CAMTA1: variants seen among roughly 807,000 people sequenced by gnomAD.
CAMTA1 encodes calmodulin binding transcription activator 1.
CAMTA1 carries 27 observed loss-of-function variants against 170.9 expected under a neutral mutation model. The observed-to-expected ratio is 0.16, with a 90% confidence interval of 0.12 to 0.22. The LOEUF (loss-of-function observed/expected upper bound fraction) is 0.22. CAMTA1 is among the 10% of genes least tolerant of loss of function. The pLI, the probability that CAMTA1 is intolerant of heterozygous loss-of-function variation, is 1.00. For synonymous variants in CAMTA1, 833 were observed against 891.5 expected, an observed-to-expected ratio of 0.93 and a Z score of 1.17; for missense variants, 1,619 against 2,217.2, an observed-to-expected ratio of 0.73 and a Z score of 5.42.
intron 5 of CAMTA1, among the ~76,000 whole-genome samples, chr1:7,303,552 T>A (rs1350897524): frequency 1.3e-5 from 2 of 152,206 alleles, no homozygotes; most frequent in Non-Finnish European, 2.9e-5. Flanking sequence ...TTTTGTTGGA[T>A]GATTACATCG....
chr1:7,201,262 A>G (rs1656637305), intron 4 of CAMTA1, among the ~76,000 whole-genome samples: 1 of 152,200 alleles, frequency 6.6e-6, no homozygotes, highest in African/African-American at 2.4e-5. Flanking sequence ...ATAATATTTC[A>G]TTATATGGAT....
rs542974976 is a variant in CAMTA1 at position 7,249,935 on chromosome 1, A to G, written c.438+309A>G. The stretch of plus-strand genomic sequence containing the variant: ...TTATCACGGAAGAGCCTCTGGATGC[A>G]TTGAGAGTTTGCAAAGTGTCAGGGA... On this transcript the variant is annotated intron_variant, in intron 5 of 22. Coordinates refer to ENST00000303635, the MANE Select transcript of CAMTA1 (RefSeq NM_015215.4). The surrounding 1 kb of genome is among the most constrained non-coding windows in gnomAD (Gnocchi z 4.4). Among the ~76,000 whole-genome samples the G allele has an allele frequency of 3.3e-5, 5 of 152,208 alleles. No individual in the cohort carries two copies. In the South Asian group the frequency reaches 1.0e-3, roughly 32 times the overall value.
intron 5 of CAMTA1, among the ~76,000 whole-genome samples, chr1:7,352,941 A>G (rs1305636762): frequency 1.6e-4 from 25 of 152,286 alleles, no homozygotes. Context: ...CCTCCTTGGG[A>G]TTAATGCAGT....
At chr1:6,935,268 C>A (rs916683997) in intron 3 of CAMTA1, among the ~76,000 whole-genome samples, 3 of 152,114 alleles carry the variant, frequency 2.0e-5, no homozygotes, top group Non-Finnish European at 4.4e-5. Context: ...GGAAGTAAAA[C>A]CCTTTCTCCT....
chr1:7,169,825 C>T (rs1649242815), intron 4 of CAMTA1, among the ~76,000 whole-genome samples: 1 of 152,206 alleles, frequency 6.6e-6, no homozygotes, highest in Admixed American at 6.5e-5. Context: ...CTGTGCCTGG[C>T]CTAAGCTTCT....
At chr1:7,745,324 T>A (rs1218896766) in intron 17 of CAMTA1, among the ~76,000 whole-genome samples, 2 of 151,996 alleles carry the variant, frequency 1.3e-5, no homozygotes, top group African/African-American at 2.4e-5. Context: ...GTCAGGAGTT[T>A]GAGACCAGCC....
chr1:7,015,789 C>T (rs879532637), intron 3 of CAMTA1, among the ~76,000 whole-genome samples: 5 of 150,606 alleles, frequency 3.3e-5, no homozygotes, highest in Non-Finnish European at 5.9e-5. Flanking sequence ...AGGATCGTGG[C>T]GGAAGGCAAA....
chr1:7,306,169 G>C (rs912990486), intron 5 of CAMTA1, among the ~76,000 whole-genome samples: 1 of 151,820 alleles, frequency 6.6e-6, no homozygotes, highest in African/African-American at 2.4e-5. Flanking sequence ...TTCTGTTTTT[G>C]GTTTTATGTC....
intron 11 of CAMTA1, among the ~76,000 whole-genome samples, chr1:7,730,711 C>G (rs962979015): frequency 5.9e-5 from 9 of 152,130 alleles, no homozygotes; most frequent in African/African-American, 1.7e-4. Flanking sequence ...GCCTGGCCAA[C>G]ATGGTGAAAC....
At chr1:6,849,239 A>G (rs1049091078) in intron 3 of CAMTA1, among the ~76,000 whole-genome samples, 2 of 152,216 alleles carry the variant, frequency 1.3e-5, no homozygotes, top group African/African-American at 2.4e-5. Context: ...GTTTCAGGAC[A>G]TACTGTATTT....
chr1:7,101,808 CAA>C lies in CAMTA1; in HGVS notation c.302+10439_302+10440del, dbSNP rs1642744543. 5.9e-5 allele frequency among the ~76,000 whole-genome samples: 5 copies of C among 84,070 alleles called. No individual in the cohort carries two copies. The South Asian group carries it at 1.4e-3, about 23-fold the overall frequency. The allele number at this position is 84,070 out of a possible 152,430, so 55.2% of individuals were successfully genotyped here. A position where few individuals can be genotyped will look rare whatever the true frequency, so the allele number is the denominator to read the frequency against. On this transcript the variant is annotated intron_variant, in intron 4 of 22. Transcript: ENST00000303635. ...ACACAATACATGTGTGCACACAGCA[CAA>C]ACACATATACACATGTACACATGTA... is the stretch of plus-strand genomic sequence containing the variant.
intron 4 of CAMTA1, among the ~76,000 whole-genome samples, chr1:7,108,827 TGTCA>T (rs1190315315): frequency 6.6e-6 from 1 of 152,254 alleles, no homozygotes; most frequent in African/African-American, 2.4e-5. Context: ...TTGCCCTGTC[TGTCA>T]GTCAGGAATC....
chr1:7,034,740 C>T (rs1240278422), intron 3 of CAMTA1, among the ~76,000 whole-genome samples: 1 of 152,156 alleles, frequency 6.6e-6, no homozygotes, highest in Non-Finnish European at 1.5e-5. Context: ...CGGGGCTGAC[C>T]TCGCCGTTCT....
chr1:6,992,218 C>T (rs925890253), intron 3 of CAMTA1, among the ~76,000 whole-genome samples: 5 of 152,056 alleles, frequency 3.3e-5, no homozygotes, highest in African/African-American at 7.2e-5. Context: ...TACAGGTGCA[C>T]ACCACCAGGC....
chr1:7,337,466 TC>T lies in CAMTA1; in HGVS notation c.438+87842del, dbSNP rs1432552887. ...AGACTTTGAGGGAAGTGGTTGACCC[TC>T]CGTAATGTGCATGGTGGGCCTCATC... is the stretch of plus-strand genomic sequence containing the variant. On this transcript the variant is annotated intron_variant, in intron 5 of 22. Transcript: ENST00000303635. 3.9e-5 allele frequency among the ~76,000 whole-genome samples: 6 copies of T among 152,182 alleles called. No individual in the cohort carries two copies. In the South Asian group the frequency reaches 1.0e-3, roughly 26 times the overall value.
rs569319976 is a variant in CAMTA1, at chr1:7,269,575, G to A, written c.438+19949G>A. 3.3e-5 allele frequency among the ~76,000 whole-genome samples: 5 copies of A among 152,282 alleles called. No individual in the cohort carries two copies. In the South Asian group the frequency reaches 1.0e-3, roughly 32 times the overall value. ...TCATTTGGGGTCATTTTAGAGTCTG[G>A]TTATCGCAATGGGATTAATACCAGA... On this transcript the variant is annotated intron_variant, in intron 5 of 22. Coordinates refer to ENST00000303635, the MANE Select transcript of CAMTA1 (RefSeq NM_015215.4).
At chr1:7,678,591 G>C (rs1169258742) in intron 11 of CAMTA1, among the ~76,000 whole-genome samples, 1 of 152,198 alleles carries the variant, frequency 6.6e-6, no homozygotes, top group African/African-American at 2.4e-5. Context: ...CTGGGCACAC[G>C]TCAGGAGGCC....
At chr1:7,556,965 T>C (rs949617688) in intron 6 of CAMTA1, among the ~76,000 whole-genome samples, 1 of 152,148 alleles carries the variant, frequency 6.6e-6, no homozygotes, top group East Asian at 1.9e-4. Context: ...GGTGTTCTTG[T>C]TTATCCCCAT....
chr1:7,218,392 G>A (rs1471002130), intron 4 of CAMTA1, among the ~76,000 whole-genome samples: 1 of 152,118 alleles, frequency 6.6e-6, no homozygotes, highest in Non-Finnish European at 1.5e-5. Context: ...GCCACATTGA[G>A]TGGTTCGTGT....
Sources: allele counts gnomAD v4.1 joint callset (sites outside exome capture counted in the v4.1 genomes callset), GRCh38; gene constraint gnomAD v4.1.1; non-coding constraint Gnocchi (gnomAD v3.1); transcripts MANE v1.5; gene names NCBI Gene and HGNC (gene_info 2026-07-23, HGNC 2026-07-21).